TP63: variants seen among roughly 807,000 people sequenced by gnomAD.
TP63 encodes tumor protein p63, also known as tumor protein 63.
Under a neutral mutation model 82.8 loss-of-function variants are expected in TP63, and 17 were observed. The ratio of observed to expected loss-of-function variants is 0.21; its 90% CI spans 0.14 to 0.31. TP63 has a LOEUF of 0.31. TP63 is among the 10% of genes least tolerant of loss of function. TP63 has a pLI of 1.00. For synonymous variants in TP63, 330 were observed against 321.7 expected (o/e 1.03, Z -0.28); for missense variants, 648 against 895.3 (o/e 0.72, Z 3.52).
At chr3:189,779,013 T>C (rs1370310146) in intron 3 of TP63, among the ~76,000 whole-genome samples, 1 of 152,178 alleles carries the variant, frequency 6.6e-6, no homozygotes, top group Admixed American at 6.5e-5. Flanking sequence ...ATATGACTTA[T>C]AATGAAGCCT....
chr3:189,811,450 T>G (rs1174424447), intron 4 of TP63, among the ~76,000 whole-genome samples: 1 of 152,184 alleles, frequency 6.6e-6, no homozygotes, highest in Non-Finnish European at 1.5e-5. Flanking sequence ...TAAATTTCTT[T>G]CTTGTTCACA....
At chr3:189,848,884 G>A (rs1715278771) in intron 4 of TP63, among the ~76,000 whole-genome samples, 1 of 152,030 alleles carries the variant, frequency 6.6e-6, no homozygotes, top group South Asian at 2.1e-4. Flanking sequence ...TGCCTTTTTT[G>A]TATGCTAATG....
At chr3:189,840,377 T>C (rs1713877185) in intron 4 of TP63, among the ~76,000 whole-genome samples, 1 of 147,530 alleles carries the variant, frequency 6.8e-6, no homozygotes, top group Non-Finnish European at 1.5e-5. Context: ...TTTTTTTTTT[T>C]TTTTTTTTTT....
intron 3 of TP63, among the ~76,000 whole-genome samples, chr3:189,789,149 T>A (rs1030777715): frequency 8.5e-5 from 13 of 152,100 alleles, no homozygotes; most frequent in African/African-American, 2.9e-4. Flanking sequence ...AAAAACTCTT[T>A]AGCTATCAGG....
intron 1 of TP63, among the ~76,000 whole-genome samples, chr3:189,709,191 A>AT (rs1718417743): frequency 1.3e-5 from 2 of 152,222 alleles, no homozygotes; most frequent in Non-Finnish European, 2.9e-5. Flanking sequence ...TTTGAGAACA[A>AT]GGAAGATACA....
At chr3:189,714,762 C>CA (rs1718836019) in intron 1 of TP63, among the ~76,000 whole-genome samples, 1 of 152,124 alleles carries the variant, frequency 6.6e-6, no homozygotes, top group Non-Finnish European at 1.5e-5. Flanking sequence ...GCTTGCTTCT[C>CA]AGAGTTAGAG....
chr3:189,620,986 G>C, the TP63 span, among the ~76,000 whole-genome samples: 1 of 152,126 alleles, frequency 6.6e-6, no homozygotes, highest in Non-Finnish European at 1.5e-5. Flanking sequence ...ACCTTTGAAA[G>C]AAAATGGCTT....
the TP63 span, among the ~76,000 whole-genome samples, chr3:189,603,097 TCA>T: frequency 6.6e-6 from 1 of 152,132 alleles, no homozygotes; most frequent in African/African-American, 2.4e-5. Context: ...TACCCAGGAC[TCA>T]GTTATTAGGA....
chr3:189,840,365 T>C lies in TP63; in HGVS notation c.580-23867T>C, dbSNP rs1353737520. On this transcript the variant is annotated intron_variant, in intron 4 of 13. Transcript: ENST00000264731. ...TTTCTTTTTTGCTTTTCGTCTTTTT[T>C]TTTTTTTTTTTTTTTTTTTTTTACA... 9.8e-4 allele frequency among the ~76,000 whole-genome samples: 140 copies of C among 143,494 alleles called. 7 individuals carry two copies. The highest frequency in any genetic ancestry group is 1.4e-3 in the African/African-American group (52 of 38,382). 94.1% of individuals were successfully genotyped at this position (143,494 alleles called of 152,430 possible).
chr3:189,733,323 G>T (rs1437020697), intron 1 of TP63, among the ~76,000 whole-genome samples: 3 of 152,150 alleles, frequency 2.0e-5, no homozygotes, highest in Non-Finnish European at 4.4e-5. Flanking sequence ...TTCTGAATCT[G>T]CCTTGGTCTT....
chr3:189,832,324 G>T (rs1460710241), intron 4 of TP63, among the ~76,000 whole-genome samples: 1 of 152,102 alleles, frequency 6.6e-6, no homozygotes, highest in African/African-American at 2.4e-5. Context: ...ATGGACAGTT[G>T]TTAGAGACAA....
At chr3:189,789,734 TG>T (rs1263671418) in intron 3 of TP63, 17 of 1,336,832 alleles carry the variant, frequency 1.3e-5, no homozygotes, top group African/African-American at 4.9e-5. Context: ...GGTCTCGGGG[TG>T]GGGGGGTTGG....
intron 4 of TP63, among the ~76,000 whole-genome samples, chr3:189,834,602 G>C (rs1392015345): frequency 6.6e-6 from 1 of 152,138 alleles, no homozygotes; most frequent in Non-Finnish European, 1.5e-5. Flanking sequence ...TTGCGCTGTG[G>C]CTGTTCACAC....
intron 1 of TP63, among the ~76,000 whole-genome samples, chr3:189,736,708 T>C (rs571272002): frequency 1.3e-5 from 2 of 152,242 alleles, no homozygotes; most frequent in South Asian, 2.1e-4. Flanking sequence ...TGCAGGTAGC[T>C]TGGAAATCAG....
At chr3:189,747,638 A>T (rs1318022058) in intron 3 of TP63, among the ~76,000 whole-genome samples, 1 of 152,088 alleles carries the variant, frequency 6.6e-6, no homozygotes, top group East Asian at 1.9e-4. Flanking sequence ...AGGTAAAAAG[A>T]TTTCACATAA....
chr3:189,825,021 C>T (rs1430800316), intron 4 of TP63, among the ~76,000 whole-genome samples: 1 of 152,100 alleles, frequency 6.6e-6, no homozygotes, highest in Non-Finnish European at 1.5e-5. Flanking sequence ...TAAAAGCTCT[C>T]TGATTTGTGC....
intron 2 of TP63, among the ~76,000 whole-genome samples, chr3:189,738,111 A>G (rs2108795978): frequency 6.6e-6 from 1 of 152,344 alleles, no homozygotes; most frequent in East Asian, 1.9e-4. Flanking sequence ...CTCCTGCACC[A>G]AATTCACTTC....
chr3:189,752,829 A>G (rs1190626335), intron 3 of TP63, among the ~76,000 whole-genome samples: 2 of 152,060 alleles, frequency 1.3e-5, no homozygotes, highest in Non-Finnish European at 2.9e-5. Flanking sequence ...GCTGCATACA[A>G]TACGTTTTGA....
At chr3:189,647,677 T>G (rs1476069300) in intron 1 of TP63, among the ~76,000 whole-genome samples, 1 of 146,778 alleles carries the variant, frequency 6.8e-6, no homozygotes. Context: ...CTGGTCATTG[T>G]GTATGCAGCC....
Sources: gnomAD v4.1 joint callset for allele counts (sites outside exome capture counted in the v4.1 genomes callset) on GRCh38, gnomAD v4.1.1 for gene constraint, MANE v1.5 for transcripts, NCBI Gene and HGNC (gene_info 2026-07-23, HGNC 2026-07-21) for gene names.